The following C1R variants were observed in gnomAD, a reference collection of about 807,000 sequenced individuals.
C1R encodes the protein complement C1r.
Under a neutral mutation model 27.6 loss-of-function variants are expected in C1R, and 15 were observed. That is an observed-to-expected ratio of 0.54 (90% CI 0.36 to 0.84). C1R has a LOEUF of 0.84. C1R is among the 40% of genes least tolerant of loss of function. The pLI is 0.01. For synonymous variants in C1R, 253 were observed against 228.8 expected (o/e 1.11, Z -0.95); for missense variants, 544 against 577.9 (o/e 0.94, Z 0.60).
rs181434056 is a variant in C1R, at chr12:7,091,528, G to A, written c.155C>T (p.Thr52Met). 8 of 778,744 alleles carry A rather than the reference G, an allele frequency of 1.0e-5. No homozygotes were observed. The highest frequency in any genetic ancestry group is 1.7e-5 in the African/African-American group (1 of 59,230). 48.2% of individuals were successfully genotyped at this position (778,744 alleles called of 1,614,324 possible). A position where few individuals can be genotyped will look rare whatever the true frequency, so the allele number is the denominator to read the frequency against. ...GAAGACGAGCTTCACCCTGTATCCC[G>A]TGGGGACTGTGATCACAGTGGTTGT... ...FETTTVITVP[T>M]GYRVKLVFQQ... Residue 52 changes from threonine to methionine, a missense_variant, in exon 2 of 11, where the codon ACG becomes ATG. Thr to Met is a moderately conservative substitution (Grantham distance 81). Around this residue, in one of 2 missense-constraint regions of C1R, gnomAD observed 291 missense variants for 209.0 expected, o/e 1.39. Transcript: ENST00000647956. This position sits in a 1 kb window ranked among gnomAD's most constrained non-coding sequence, Gnocchi z 5.1.
At chr12:7,090,502 C>A in intron 2 of C1R, 4 of 499,238 alleles carry the variant, frequency 8.0e-6, no homozygotes, top group Non-Finnish European at 1.4e-5. Flanking sequence ...TTTTCTGCTC[C>A]TCTGGCAGGT....
At chr12:7,085,250 G>C (rs1297730066) in intron 9 of C1R, among the ~76,000 whole-genome samples, 1 of 150,848 alleles carries the variant, frequency 6.6e-6, no homozygotes, top group Non-Finnish European at 1.5e-5. Flanking sequence ...GTTGGTAATG[G>C]TGGTGGTGAT....
At chr12:7,090,300 A>G in intron 2 of C1R, 52 bp from the exon 3 acceptor site, 1 of 691,176 alleles carries the variant, frequency 1.4e-6, no homozygotes, top group Non-Finnish European at 2.7e-6. Context: ...GGAGTGGCGC[A>G]CGTGGTGGCT....
At chr12:7,089,224 T>C (rs1204083018) in intron 5 of C1R, 69 bp downstream of exon 5, 7 of 732,050 alleles carry the variant, frequency 9.6e-6, no homozygotes, top group Non-Finnish European at 1.8e-5. Flanking sequence ...CAGGAGGAAG[T>C]TGGGACAAGA....
chr12:7,089,005 T>G lies in C1R; in HGVS notation c.769-19A>C, dbSNP rs749392316. 2.0e-5 allele frequency: 14 copies of G among 701,650 alleles called. No homozygotes were observed. Among genetic ancestry groups the G allele is most frequent in the Non-Finnish European group, 3.1e-5 (12 of 382,752 alleles). 43.5% of individuals were successfully genotyped at this position (701,650 alleles called of 1,614,324 possible). On this transcript the variant is annotated intron_variant, in intron 5 of 10. Transcript: ENST00000647956. The stretch of plus-strand genomic sequence containing the variant: ...CATAGATCTAGTAGGGGAGGAGGGT[T>G]TTTTTTTTTCAGCTTGGACGTTTTT...
intron 9 of C1R, among the ~76,000 whole-genome samples, chr12:7,085,000 T>C (rs1431552262): frequency 1.3e-5 from 2 of 148,898 alleles, no homozygotes; most frequent in African/African-American, 5.1e-5. Context: ...GTGGTGATGG[T>C]GGTGGTGATG....
Position 7,080,875 on chromosome 12 carries a change from T to A in C1R, c.1775A>T (p.Tyr592Phe). 6.2e-7 allele frequency: 1 copy of A among 1,613,900 alleles called. No individual in the cohort carries two copies. The highest frequency in any genetic ancestry group is 1.1e-5 in the South Asian group (1 of 91,086). ...CTCCATGACCCCGAAGCCACTGACA[T>A]AGCCCATCAAGCCCAGGTCGTAGAA... The part of the protein sequence containing the change: ...DTFYDLGLMG[Y>F]VSGFGVMEEK... The change falls in exon 11 of 11, where the codon TAT becomes TTT. Residue 592 changes from tyrosine to phenylalanine, a missense_variant. Transcript: ENST00000647956. The surrounding 1 kb of genome is among the most constrained non-coding windows in gnomAD (Gnocchi z 4.9).
chr12:7,090,455 C>T (rs1292973612), intron 2 of C1R: 14 of 585,392 alleles, frequency 2.4e-5, no homozygotes, highest in African/African-American at 3.7e-5. Flanking sequence ...TCACTCTTTG[C>T]GTGTTGTCCT....
rs925047746 is a variant in C1R, at chr12:7,091,842, G to A, written c.3-162C>T. On this transcript the variant is annotated intron_variant, in intron 1 of 10. Transcript: ENST00000647956. This position sits in a 1 kb window ranked among gnomAD's most constrained non-coding sequence, Gnocchi z 5.1. ...GTTCTCAGCAGGGGTGCGTGGGTGG[G>A]GAGGATGGCCTGTGCAGCTGCTGCA... 1 of 701,296 alleles carries A rather than the reference G, an allele frequency of 1.4e-6. No individual in the cohort carries two copies. The highest frequency in any genetic ancestry group is 1.5e-5 in the South Asian group (1 of 66,706). 43.4% of individuals were successfully genotyped at this position (701,296 alleles called of 1,614,324 possible).
At chr12:7,084,971 G>A (rs1258815784) in intron 9 of C1R, among the ~76,000 whole-genome samples, 6 of 149,490 alleles carry the variant, frequency 4.0e-5, no homozygotes, top group Non-Finnish European at 8.8e-5. Flanking sequence ...TAATGGTGAT[G>A]GTGCTGATGA....
At chr12:7,086,104 C>T (rs1032296097) in intron 8 of C1R, 88 bp from the exon 9 acceptor site, 1 of 398,322 alleles carries the variant, frequency 2.5e-6, no homozygotes, top group Non-Finnish European at 4.4e-6. Flanking sequence ...ACCTGCAGAG[C>T]AGGCTCAGAA....
At position 7,088,899 on chromosome 12, in the gene C1R, G is replaced by C. The variant is rs1442824663; in HGVS notation, c.856C>G (p.Leu286Val). The change falls in exon 6 of 11, where the codon CTG (leucine) becomes GTG (valine). Residue 286 changes from leucine (L) to valine (V), a missense_variant. By Grantham distance (32) the Leu-to-Val change is conservative (BLOSUM62 1). Transcript: ENST00000647956. ...LDTSSNAVDL[L>V]FFTDESGDSR... ...TCCCCCGACTCATCTGTGAAGAACA[G>C]CAGATCCACAGCATTGCTGCTGGTG... is the stretch of plus-strand genomic sequence containing the variant. The C allele has an allele frequency of 1.3e-6, 1 of 776,836 alleles. No homozygotes were observed. The highest frequency in any genetic ancestry group is 2.4e-6 in the Non-Finnish European group (1 of 416,668). 48.1% of individuals were successfully genotyped at this position (776,836 alleles called of 1,614,324 possible).
Position 7,080,906 on chromosome 12 carries a change from C to T in C1R, c.1744G>A (p.Asp582Asn), listed in dbSNP as rs370158004. ...ATCAAGCCCAGGTCGTAGAAGGTAT[C>T]GTTGTCAGGGAGGCAGATGGGGAGG... Reference protein sequence around the residue: ...NLLPICLPDNDTFYDLGLMGY... With the variant: ...NLLPICLPDNNTFYDLGLMGY... The change falls in exon 11 of 11, where the codon GAT becomes AAT. Residue 582 changes from aspartate (D) to asparagine (N), a missense_variant. Physicochemically the swap from Asp to Asn is conservative, Grantham distance 23 (BLOSUM62 1). Around this residue, in one of 2 missense-constraint regions of C1R, gnomAD observed 253 missense variants for 368.9 expected, o/e 0.69. Coordinates refer to ENST00000647956, the MANE Select transcript of C1R (RefSeq NM_001733.7). The surrounding 1 kb of genome is among the most constrained non-coding windows in gnomAD (Gnocchi z 4.9). 1.5e-5 allele frequency: 25 copies of T among 1,613,352 alleles called. No homozygotes were observed. The Admixed American group carries it at 2.3e-4, about 15-fold the overall frequency.
At chr12:7,088,051 A>G (rs1938182251) in intron 7 of C1R, among the ~76,000 whole-genome samples, 1 of 152,170 alleles carries the variant, frequency 6.6e-6, no homozygotes, top group South Asian at 2.1e-4. Context: ...GACCACCAAC[A>G]TGTGTAAAAG....
chr12:7,089,560 C>T lies in C1R; in HGVS notation c.571+27G>A. ...CCAGCAAGCCCTGGCTCAACCCCTT[C>T]CCCTCTGCTACACCACTCTGGCTCA... On this transcript the variant is annotated intron_variant, in intron 4 of 10. Transcript: ENST00000647956. 3.8e-6 allele frequency: 3 copies of T among 780,814 alleles called. No homozygotes were observed. In the South Asian group the frequency reaches 4.0e-5, roughly 10 times the overall value. 48.4% of individuals were successfully genotyped at this position (780,814 alleles called of 1,614,324 possible).
rs757966852 is a variant in C1R, at chr12:7,089,641, A to G, written c.517T>C (p.Phe173Leu). 7 of 780,926 alleles carry G rather than the reference A, an allele frequency of 9.0e-6. No homozygotes were observed. In the South Asian group the frequency reaches 9.4e-5, roughly 10 times the overall value. The allele number at this position is 780,926 out of a possible 1,614,324, so 48.4% of individuals were successfully genotyped here. ...HLCHNYVGGYFCSCRPGYELQ... is the reference protein window; with the variant it reads ...HLCHNYVGGYLCSCRPGYELQ... Reference sequence around the variant, plus strand: ...TCATAGCCTGGACGGCAGGAACAGAAGTAGCCTCCAACGTAGTTGTGACAC... The same window carrying G: ...TCATAGCCTGGACGGCAGGAACAGAGGTAGCCTCCAACGTAGTTGTGACAC... Residue 173 changes from phenylalanine to leucine, a missense_variant, in exon 4 of 11, where the codon TTC becomes CTC. Phe to Leu is a conservative substitution (Grantham distance 22, BLOSUM62 0). Transcript: ENST00000647956.
In C1R at chr12:7,088,883, T is replaced by A. The variant is rs1292812722; in HGVS notation, c.872A>T (p.Glu291Val). 2 of 777,498 alleles carry A rather than the reference T, an allele frequency of 2.6e-6. No individual in the cohort carries two copies. Among genetic ancestry groups the A allele is most frequent in the East Asian group, 2.4e-5 (1 of 41,210 alleles). The allele number at this position is 777,498 out of a possible 1,614,324, so 48.2% of individuals were successfully genotyped here. Reference protein sequence around the residue: ...NAVDLLFFTDESGDSRGWKLR... With the variant: ...NAVDLLFFTDVSGDSRGWKLR... ...CTTCCAGCCCCGGCTGTCCCCCGAC[T>A]CATCTGTGAAGAACAGCAGATCCAC... The change falls in exon 6 of 11, where the codon GAG becomes GTG. Residue 291 changes from glutamate to valine, a missense_variant. Glu to Val is a moderately radical substitution (Grantham distance 121). Coordinates refer to ENST00000647956, the MANE Select transcript of C1R (RefSeq NM_001733.7).
rs1274031466 is a variant in C1R, at chr12:7,083,611, G to A, written c.1274-1505C>T. On this transcript the variant is annotated intron_variant, in intron 9 of 10. Transcript: ENST00000647956. ...TGTTACTGTTGGTGGTGATGATGAC[G>A]ATGATAGTGGTCATAGTGGGGATGA... is the stretch of plus-strand genomic sequence containing the variant. Among the ~76,000 whole-genome samples, 24 of 151,500 alleles carry A rather than the reference G, an allele frequency of 1.6e-4. No homozygotes were observed. The South Asian group carries it at 3.8e-3, about 24-fold the overall frequency.
At chr12:7,088,065 C>G (rs753242139) in intron 7 of C1R, among the ~76,000 whole-genome samples, 1 of 152,258 alleles carries the variant, frequency 6.6e-6, no homozygotes, top group East Asian at 1.9e-4. Flanking sequence ...GTAAAAGAGC[C>G]CCGGAGCAGG....
Sources: allele counts gnomAD v4.1 joint callset (sites outside exome capture counted in the v4.1 genomes callset), GRCh38; gene constraint gnomAD v4.1.1; regional missense constraint gnomAD v4.1.1; non-coding constraint Gnocchi (gnomAD v3.1); transcripts MANE v1.5; gene names NCBI Gene and HGNC (gene_info 2026-07-23, HGNC 2026-07-21).